THSD7B: variants seen among roughly 807,000 people sequenced by gnomAD.
The protein encoded by THSD7B is thrombospondin type 1 domain containing 7B, also known as thrombospondin type-1 domain-containing protein 7B.
Under a neutral mutation model 213.6 loss-of-function variants are expected in THSD7B, and 138 were observed. The observed-to-expected ratio is 0.65, with a 90% CI of 0.56 to 0.74. The LOEUF (loss-of-function observed/expected upper bound fraction) is 0.74. THSD7B is among the 30% of genes least tolerant of loss of function. THSD7B has a pLI of 0.00. For missense variants in THSD7B, 1,931 were observed against 1,991.5 expected (o/e 0.97, Z 0.58); for synonymous variants, 742 against 687.0 (o/e 1.08, Z -1.25).
chr2:137,488,873 C>T (rs1688535871), intron 15 of THSD7B, among the ~76,000 whole-genome samples: 1 of 152,140 alleles, frequency 6.6e-6, no homozygotes, highest in African/African-American at 2.4e-5. Context: ...ATGACTTTCC[C>T]AGCTTGATGG....
chr2:137,388,953 A>G (rs903227474), intron 12 of THSD7B, among the ~76,000 whole-genome samples: 8 of 151,984 alleles, frequency 5.3e-5, no homozygotes, highest in African/African-American at 1.9e-4. Context: ...CGTTGCAATT[A>G]TGAATATTGC....
intron 3 of THSD7B, among the ~76,000 whole-genome samples, chr2:137,087,611 A>G (rs1032268639): frequency 2.0e-5 from 3 of 152,218 alleles, no homozygotes; most frequent in Non-Finnish European, 2.9e-5. Flanking sequence ...AAAGACCTCT[A>G]CAAGGAAAAC....
chr2:137,202,521 A>G (rs1680899570), intron 7 of THSD7B, among the ~76,000 whole-genome samples: 1 of 152,194 alleles, frequency 6.6e-6, no homozygotes, highest in Non-Finnish European at 1.5e-5. Flanking sequence ...GTTACAGAAC[A>G]GGTTCTCCCA....
chr2:137,411,716 T>C lies in THSD7B; in HGVS notation c.2803T>C (p.Ser935Pro). 2 of 1,613,920 alleles carry C rather than the reference T, an allele frequency of 1.2e-6. No individual in the cohort carries two copies. Among genetic ancestry groups the C allele is most frequent in the Non-Finnish European group, 1.7e-6 (2 of 1,179,892 alleles). ...EFISQPYGNW[S>P]DCILPEGRRE... is the part of the protein sequence containing the mutation. The stretch of plus-strand genomic sequence containing the variant: ...TATATCCCAACCTTATGGAAACTGG[T>C]CAGATTGCATTCTTCCAGAAGGCAG... Residue 935 changes from serine (S) to proline (P), a missense_variant, in exon 14 of 28, where the codon TCA becomes CCA. Coordinates refer to ENST00000409968, the MANE Select transcript of THSD7B (RefSeq NM_001316349.2).
chr2:137,072,521 T>G (rs1260369730), intron 3 of THSD7B, among the ~76,000 whole-genome samples: 1 of 152,152 alleles, frequency 6.6e-6, no homozygotes, highest in Non-Finnish European at 1.5e-5. Context: ...GATGGGGTTT[T>G]CTAGATATAC....
intron 2 of THSD7B, among the ~76,000 whole-genome samples, chr2:136,982,074 A>G (rs1243078267): frequency 2.6e-5 from 4 of 152,168 alleles, no homozygotes; most frequent in African/African-American, 7.2e-5. Context: ...TAACTGTAAC[A>G]TGGTGTGAAC....
At chr2:137,541,855 CA>C (rs71677331) in intron 15 of THSD7B, among the ~76,000 whole-genome samples, 36,975 of 149,322 alleles carry the variant, frequency 0.25, 4,693 homozygotes, top group African/African-American at 0.29. Context: ...TTTGGGCAGA[CA>C]AAAAAAAATC....
intron 1 of THSD7B, among the ~76,000 whole-genome samples, chr2:136,769,557 G>A (rs1407493631): frequency 1.3e-5 from 2 of 150,946 alleles, no homozygotes; most frequent in East Asian, 3.8e-4. Context: ...TTTGTAAGCT[G>A]AACAATGAAG....
intron 1 of THSD7B, among the ~76,000 whole-genome samples, chr2:136,874,027 A>G (rs917254514): frequency 1.3e-5 from 2 of 152,204 alleles, no homozygotes; most frequent in Non-Finnish European, 2.9e-5. Context: ...ATAATTGCTC[A>G]TTGTGACGAT....
intron 15 of THSD7B, among the ~76,000 whole-genome samples, chr2:137,536,028 TATG>T (rs1446174157): frequency 6.7e-6 from 1 of 150,144 alleles, no homozygotes; most frequent in East Asian, 2.0e-4. Context: ...CGGCCATGAG[TATG>T]GAAACCACGG....
intron 2 of THSD7B, among the ~76,000 whole-genome samples, chr2:136,898,987 G>A (rs1684015227): frequency 1.3e-5 from 2 of 152,024 alleles, no homozygotes; most frequent in Admixed American, 1.3e-4. Context: ...ATGTCCAGAG[G>A]CCACTCCTGG....
chr2:137,211,092 C>T (rs2117747), intron 7 of THSD7B, among the ~76,000 whole-genome samples: 90,507 of 151,558 alleles, frequency 0.6, 27,430 homozygotes, highest in South Asian at 0.71. Context: ...CCTATTATTG[C>T]AAGATACTTC....
chr2:137,360,383 C>T (rs181568344), intron 12 of THSD7B, among the ~76,000 whole-genome samples: 40 of 152,178 alleles, frequency 2.6e-4, no homozygotes, highest in African/African-American at 7.5e-4. Context: ...GTGCACCCTA[C>T]GGAGGGTGAG....
chr2:137,427,993 GA>G (rs879851759), intron 14 of THSD7B, among the ~76,000 whole-genome samples: 1 of 151,886 alleles, frequency 6.6e-6, no homozygotes, highest in Non-Finnish European at 1.5e-5. Context: ...GAATAAAACT[GA>G]AAAAAATAAT....
At chr2:137,593,763 G>A (rs1681907830) in intron 17 of THSD7B, among the ~76,000 whole-genome samples, 1 of 151,864 alleles carries the variant, frequency 6.6e-6, no homozygotes, top group Admixed American at 6.6e-5. Flanking sequence ...TGTTTTAGAA[G>A]TGGATTTTAC....
chr2:137,674,173 C>T (rs1366349789), intron 27 of THSD7B, among the ~76,000 whole-genome samples: 6 of 152,168 alleles, frequency 3.9e-5, no homozygotes, highest in African/African-American at 1.4e-4. Flanking sequence ...TCTCAACTCC[C>T]CAATGCTTAG....
chr2:137,493,689 T>C (rs891801283), intron 15 of THSD7B, among the ~76,000 whole-genome samples: 1 of 152,232 alleles, frequency 6.6e-6, no homozygotes, highest in Admixed American at 6.5e-5. Context: ...GCTGACAACC[T>C]TTAAGTCTGC....
intron 2 of THSD7B, among the ~76,000 whole-genome samples, chr2:136,940,290 A>G (rs1018966733): frequency 2.0e-5 from 3 of 152,032 alleles, no homozygotes; most frequent in Non-Finnish European, 4.4e-5. Context: ...TTTCTAATTC[A>G]CTTAAGATAA....
chr2:137,579,319 A>ACAT, intron 17 of THSD7B, among the ~76,000 whole-genome samples: 3 of 152,284 alleles, frequency 2.0e-5, no homozygotes, highest in Middle Eastern at 6.8e-3. Context: ...TTACACTGAG[A>ACAT]CATTGGTTTT....
Sources: allele counts gnomAD v4.1 joint callset (sites outside exome capture counted in the v4.1 genomes callset), GRCh38; gene constraint gnomAD v4.1.1; transcripts MANE v1.5; gene names NCBI Gene and HGNC (gene_info 2026-07-23, HGNC 2026-07-21).